Variants in SPAG16 observed in about 807,000 individuals in gnomAD.
The protein encoded by SPAG16 is sperm associated antigen 16.
SPAG16 carries 86 observed loss-of-function variants against 80.4 expected under a neutral mutation model. The ratio of observed to expected loss-of-function variants is 1.07; its 90% CI spans 0.90 to 1.28. SPAG16 has a LOEUF of 1.28. SPAG16 is among the 50% of genes most tolerant of loss of function. The pLI is 0.00. For synonymous variants in SPAG16, 294 were observed against 265.9 expected (o/e 1.11, Z -1.03); for missense variants, 870 against 765.3 (o/e 1.14, Z -1.61).
intron 9 of SPAG16, among the ~76,000 whole-genome samples, chr2:213,419,542 T>C (rs2069467231): frequency 6.6e-6 from 1 of 152,156 alleles, no homozygotes; most frequent in Non-Finnish European, 1.5e-5. Context: ...AGGCAATACA[T>C]ATATGACATG....
intron 15 of SPAG16, among the ~76,000 whole-genome samples, chr2:214,254,783 A>G: frequency 1.2e-5 from 1 of 84,966 alleles, no homozygotes; most frequent in South Asian, 4.3e-4. Flanking sequence ...AGATATATTT[A>G]GTTGGGGGAA....
intron 10 of SPAG16, among the ~76,000 whole-genome samples, chr2:213,731,501 G>A (rs1176229320): frequency 6.6e-6 from 1 of 151,340 alleles, no homozygotes; most frequent in South Asian, 2.1e-4. Flanking sequence ...TAAGTTCAGG[G>A]GTACATGTGC....
chr2:213,977,609 C>T (rs562739396), intron 12 of SPAG16, among the ~76,000 whole-genome samples: 1 of 151,056 alleles, frequency 6.6e-6, no homozygotes, highest in African/African-American at 2.4e-5. Context: ...ATTCCTGCCC[C>T]CAAATGCTCT....
intron 10 of SPAG16, among the ~76,000 whole-genome samples, chr2:213,795,049 T>G (rs946636933): frequency 6.6e-6 from 1 of 152,120 alleles, no homozygotes; most frequent in African/African-American, 2.4e-5. Flanking sequence ...ATTGAGCCGA[T>G]GAGAATAAAA....
At chr2:214,032,953 CTTG>C (rs1424320712) in intron 13 of SPAG16, among the ~76,000 whole-genome samples, 1 of 152,082 alleles carries the variant, frequency 6.6e-6, no homozygotes, top group African/African-American at 2.4e-5. Flanking sequence ...AAAGACACGA[CTTG>C]TTTAGAAATT....
At chr2:213,638,827 C>T (rs755347759) in intron 10 of SPAG16, among the ~76,000 whole-genome samples, 12 of 152,010 alleles carry the variant, frequency 7.9e-5, no homozygotes, top group East Asian at 1.9e-4. Context: ...ACCTGTCTAG[C>T]GCTGTCTGTG....
chr2:213,627,245 C>A (rs151068625), intron 10 of SPAG16, among the ~76,000 whole-genome samples: 2 of 152,276 alleles, frequency 1.3e-5, no homozygotes, highest in East Asian at 3.9e-4. Context: ...AGAGAGCGTT[C>A]CTCACGTGGT....
chr2:213,497,061 T>C lies in SPAG16; in HGVS notation c.1070+6971T>C, dbSNP rs533846148. 7.9e-5 allele frequency among the ~76,000 whole-genome samples: 12 copies of C among 152,036 alleles called. No individual in the cohort carries two copies. The South Asian group carries it at 2.3e-3, about 29-fold the overall frequency. The stretch of plus-strand genomic sequence containing the variant: ...TTACATACAATTGAAACACTTGTGA[T>C]CATTACTTATAAGTATTTTACAGAA... On this transcript the variant is annotated intron_variant, in intron 10 of 15. Transcript: ENST00000331683.
chr2:214,021,464 A>G (rs1001057975), intron 13 of SPAG16, among the ~76,000 whole-genome samples: 1 of 152,090 alleles, frequency 6.6e-6, no homozygotes, highest in African/African-American at 2.4e-5. Flanking sequence ...CCCGTTTTTA[A>G]AACCATCAGA....
chr2:214,338,075 A>G (rs919628400), intron 15 of SPAG16, among the ~76,000 whole-genome samples: 4 of 152,228 alleles, frequency 2.6e-5, no homozygotes, highest in Non-Finnish European at 4.4e-5. Context: ...ATATAGGTGA[A>G]ACCCAAAGTT....
At chr2:214,110,347 C>G (rs1222845585) in intron 14 of SPAG16, among the ~76,000 whole-genome samples, 1 of 148,154 alleles carries the variant, frequency 6.7e-6, no homozygotes, top group Non-Finnish European at 1.5e-5. Context: ...TCCAAGTGTT[C>G]TCATTGTTCA....
At chr2:213,552,562 G>T (rs2076811760) in intron 10 of SPAG16, among the ~76,000 whole-genome samples, 1 of 152,196 alleles carries the variant, frequency 6.6e-6, no homozygotes, top group Admixed American at 6.5e-5. Context: ...TTCCAGAGCT[G>T]ATATAATTTA....
intron 3 of SPAG16, among the ~76,000 whole-genome samples, chr2:213,302,066 C>T (rs1440080890): frequency 1.3e-5 from 2 of 152,094 alleles, no homozygotes; most frequent in African/African-American, 4.8e-5. Context: ...ATCCTGTCTA[C>T]TTAGAAAATG....
chr2:214,330,095 T>TATC (rs1696801111), intron 15 of SPAG16, among the ~76,000 whole-genome samples: 1 of 144,386 alleles, frequency 6.9e-6, no homozygotes, highest in African/African-American at 2.5e-5. Context: ...GATGAAACCC[T>TATC]ATCTCTACCA....
intron 15 of SPAG16, among the ~76,000 whole-genome samples, chr2:214,357,554 G>A (rs994590703): frequency 3.3e-5 from 5 of 151,490 alleles, no homozygotes; most frequent in Non-Finnish European, 7.4e-5. Flanking sequence ...ATGCTATTTT[G>A]TTCTCTCTAA....
intron 15 of SPAG16, among the ~76,000 whole-genome samples, chr2:214,251,005 T>C (rs939062352): frequency 4.0e-5 from 6 of 151,836 alleles, no homozygotes; most frequent in Non-Finnish European, 7.4e-5. Context: ...TTTTTCTATC[T>C]AATATGCACA....
intron 15 of SPAG16, among the ~76,000 whole-genome samples, chr2:214,168,864 A>G (rs2056769171): frequency 1.3e-5 from 2 of 148,858 alleles, no homozygotes; most frequent in African/African-American, 2.6e-5. Context: ...ATGTGGTACT[A>G]TTTTACTTAA....
intron 10 of SPAG16, among the ~76,000 whole-genome samples, chr2:213,599,962 A>G (rs1163746981): frequency 1.3e-5 from 2 of 152,194 alleles, no homozygotes; most frequent in African/African-American, 4.8e-5. Flanking sequence ...CTGGGATTAC[A>G]GGCATGAGCC....
intron 11 of SPAG16, among the ~76,000 whole-genome samples, chr2:213,864,964 A>G (rs555218736): frequency 2.0e-5 from 3 of 152,202 alleles, no homozygotes; most frequent in East Asian, 1.9e-4. Flanking sequence ...ACACTTGAGA[A>G]TCCAGCTAAT....
Sources: gnomAD v4.1 joint callset for allele counts (sites outside exome capture counted in the v4.1 genomes callset) on GRCh38, gnomAD v4.1.1 for gene constraint, MANE v1.5 for transcripts, NCBI Gene and HGNC (gene_info 2026-07-23, HGNC 2026-07-21) for gene names.